Variants in RBFOX1 observed in about 807,000 individuals in gnomAD.
RBFOX1 encodes RNA binding protein fox-1 homolog 1.
RBFOX1 carries 8 observed loss-of-function variants against 57.7 expected under a neutral mutation model. That is an observed-to-expected ratio of 0.14 (90% CI 0.08 to 0.25). RBFOX1 has a LOEUF of 0.25. Ranked by LOEUF, RBFOX1 falls within the 10% of genes least tolerant of loss-of-function variation. The probability of loss-of-function intolerance (pLI) is 1.00; values close to 1 mark genes in which losing one functional copy is unlikely to be tolerated. For synonymous variants in RBFOX1, 326 were observed against 222.4 expected (o/e 1.47, Z -4.15); for missense variants, 611 against 548.5 (o/e 1.11, Z -1.14).
intron 3 of RBFOX1, among the ~76,000 whole-genome samples, chr16:6,744,734 G>A (rs373042463): frequency 6.6e-6 from 1 of 151,920 alleles, no homozygotes; most frequent in African/African-American, 2.4e-5. Flanking sequence ...ACCCATATTA[G>A]GATAGTGAAA....
At chr16:7,519,686 C>T in intron 5 of RBFOX1, 1 of 985,320 alleles carries the variant, frequency 1.0e-6, no homozygotes, top group South Asian at 4.7e-5. Context: ...GAACCCCAAT[C>T]CTGTCGTCTG....
intron 3 of RBFOX1, among the ~76,000 whole-genome samples, chr16:5,689,538 G>C (rs1382179933): frequency 6.6e-6 from 1 of 152,120 alleles, no homozygotes; most frequent in African/African-American, 2.4e-5. Flanking sequence ...TGAATAGGAG[G>C]TCTTATGTGG....
At chr16:6,486,081 G>C (rs1171239620) in intron 2 of RBFOX1, among the ~76,000 whole-genome samples, 5 of 86,876 alleles carry the variant, frequency 5.8e-5, no homozygotes, top group African/African-American at 1.9e-4. Context: ...TCAGTAAAAG[G>C]CTTTTTTTTT....
intron 3 of RBFOX1, among the ~76,000 whole-genome samples, chr16:6,742,538 T>G (rs1187919674): frequency 6.6e-6 from 1 of 152,172 alleles, no homozygotes; most frequent in Admixed American, 6.5e-5. Context: ...TATACACAAT[T>G]ATTGTCAGCA....
chr16:6,727,434 C>G (rs889993769), intron 3 of RBFOX1, among the ~76,000 whole-genome samples: 24 of 151,000 alleles, frequency 1.6e-4, no homozygotes, highest in African/African-American at 3.9e-4. Flanking sequence ...TCTTTTTTTC[C>G]TTCATATTCC....
intron 4 of RBFOX1, among the ~76,000 whole-genome samples, chr16:7,278,755 C>G (rs1182203671): frequency 6.6e-6 from 1 of 152,124 alleles, no homozygotes; most frequent in African/African-American, 2.4e-5. Context: ...CTTAAAATAT[C>G]ATTTGTTTAA....
intron 4 of RBFOX1, among the ~76,000 whole-genome samples, chr16:5,983,648 G>A (rs928953281): frequency 3.3e-5 from 5 of 152,192 alleles, no homozygotes; most frequent in African/African-American, 9.6e-5. Context: ...TCTGACTCTC[G>A]TTGTTATTCT....
intron 2 of RBFOX1, among the ~76,000 whole-genome samples, chr16:6,638,367 T>C (rs530099924): frequency 6.6e-6 from 1 of 152,200 alleles, no homozygotes; most frequent in Admixed American, 6.5e-5. Context: ...TGTTCATTTT[T>C]TCTTCCTTAT....
intron 3 of RBFOX1, among the ~76,000 whole-genome samples, chr16:6,765,013 A>G (rs1275150597): frequency 2.0e-5 from 3 of 150,928 alleles, no homozygotes; most frequent in Non-Finnish European, 2.9e-5. Flanking sequence ...TGTGTTGGCT[A>G]AGGTTTTCAG....
intron 2 of RBFOX1, among the ~76,000 whole-genome samples, chr16:6,597,536 G>A (rs1455707915): frequency 6.6e-6 from 1 of 152,112 alleles, no homozygotes; most frequent in East Asian, 1.9e-4. Context: ...AGCCAGGCGT[G>A]GTTGCAGGCG....
At chr16:5,825,487 G>T (rs1045959855) in intron 3 of RBFOX1, among the ~76,000 whole-genome samples, 5 of 152,138 alleles carry the variant, frequency 3.3e-5, no homozygotes, top group South Asian at 2.1e-4. Context: ...GGAATTTGTG[G>T]ATCAAATTTA....
intron 4 of RBFOX1, among the ~76,000 whole-genome samples, chr16:7,131,940 G>C (rs1197178003): frequency 6.6e-6 from 1 of 151,368 alleles, no homozygotes; most frequent in Non-Finnish European, 1.5e-5. Context: ...TCACTGGCAA[G>C]TTAGAATCAC....
At chr16:7,273,045 CCCTTCCCTCCCT>C (rs1307570426) in intron 4 of RBFOX1, among the ~76,000 whole-genome samples, 17 of 120,264 alleles carry the variant, frequency 1.4e-4, no homozygotes, top group East Asian at 2.8e-4. Flanking sequence ...TCCTTCCCCT[CCCTTCCCTCCCT>C]CCTTCCCTCC....
intron 1 of RBFOX1, among the ~76,000 whole-genome samples, chr16:6,245,486 C>T (rs957272781): frequency 6.6e-6 from 1 of 152,128 alleles, no homozygotes; most frequent in African/African-American, 2.4e-5. Flanking sequence ...CACAGCAGAC[C>T]AATGACAAGA....
At chr16:6,916,514 C>T (rs1002319464) in intron 3 of RBFOX1, among the ~76,000 whole-genome samples, 7 of 151,222 alleles carry the variant, frequency 4.6e-5, no homozygotes, top group South Asian at 4.2e-4. Flanking sequence ...TGTCATTCTA[C>T]GACCATCTCC....
chr16:6,587,140 T>C (rs1311178004), intron 2 of RBFOX1, among the ~76,000 whole-genome samples: 1 of 152,130 alleles, frequency 6.6e-6, no homozygotes, highest in Non-Finnish European at 1.5e-5. Context: ...TCCTCTTATC[T>C]AACTGAATTT....
At chr16:6,568,600 A>G (rs2097300438) in intron 2 of RBFOX1, among the ~76,000 whole-genome samples, 13 of 152,138 alleles carry the variant, frequency 8.5e-5, no homozygotes, top group Admixed American at 8.5e-4. Context: ...GATGGGGATT[A>G]TCTCAGGGCC....
intron 3 of RBFOX1, among the ~76,000 whole-genome samples, chr16:5,736,218 C>G (rs372888474): frequency 6.6e-6 from 1 of 152,122 alleles, no homozygotes; most frequent in Admixed American, 6.5e-5. Flanking sequence ...TGAGCAGTGT[C>G]GAAATGAACC....
chr16:7,192,136 G>A lies in RBFOX1; in HGVS notation c.27+140038G>A, dbSNP rs191886083. ...AAGAAGCAAAAAATAATTGGTGGGG[G>A]AAGGGGGTAGGTAGTAGAAGGAATT... On this transcript the variant is annotated intron_variant, in intron 4 of 15. Coordinates refer to ENST00000550418, the MANE Select transcript of RBFOX1 (RefSeq NM_018723.4). 1.4e-3 allele frequency among the ~76,000 whole-genome samples: 206 copies of A among 152,322 alleles called. 2 individuals are homozygous for A. Among genetic ancestry groups the A allele is most frequent in the South Asian group, 2.3e-3 (11 of 4,832 alleles).
Sources: allele counts gnomAD v4.1 joint callset (sites outside exome capture counted in the v4.1 genomes callset), GRCh38; gene constraint gnomAD v4.1.1; transcripts MANE v1.5; gene names NCBI Gene and HGNC (gene_info 2026-07-23, HGNC 2026-07-21).